The following CSMD2 variants were observed in gnomAD, a reference collection of about 807,000 sequenced individuals.
CSMD2 encodes CUB and sushi domain-containing protein 2.
In CSMD2, 130 loss-of-function variants were observed where a neutral mutation model predicts 398.5. The ratio of observed to expected loss-of-function variants is 0.33; its 90% CI spans 0.28 to 0.38. CSMD2 has a LOEUF of 0.38. Among genes scored for constraint, CSMD2 ranks in the 10% least tolerant of loss-of-function variants. The pLI, the probability that CSMD2 is intolerant of heterozygous loss-of-function variation, is 1.00. For synonymous variants in CSMD2, 1,828 were observed against 1,908.5 expected (o/e 0.96, Z 1.10); for missense variants, 3,829 against 4,764.9 (o/e 0.80, Z 5.78).
intron 13 of CSMD2, among the ~76,000 whole-genome samples, chr1:33,765,800 T>C (rs1392205006): frequency 6.6e-6 from 1 of 152,214 alleles, no homozygotes; most frequent in East Asian, 1.9e-4. Context: ...ATACACAATG[T>C]AGAAAGAATG....
At chr1:33,747,867 C>G (rs1470188376) in intron 13 of CSMD2, among the ~76,000 whole-genome samples, 1 of 152,298 alleles carries the variant, frequency 6.6e-6, no homozygotes, top group East Asian at 1.9e-4. Flanking sequence ...TTAAAAAGTT[C>G]CCCAGGTGAT....
Position 33,916,641 on chromosome 1 carries a change from G to A in CSMD2, c.920+1453C>T, listed in dbSNP as rs182081031. ...TGTGAGAAGCTCATGGTGACACCAGGGTCTTCTGACTCCCATGTCGGCTCA... is the reference window on the plus strand; with the variant it reads ...TGTGAGAAGCTCATGGTGACACCAGAGTCTTCTGACTCCCATGTCGGCTCA... On this transcript the variant is annotated intron_variant, in intron 5 of 70. Transcript: ENST00000373381. Among the ~76,000 whole-genome samples the A allele has an allele frequency of 4.5e-4, 68 of 152,136 alleles. 1 individual carries two copies. The East Asian group carries it at 6.2e-3, about 14-fold the overall frequency.
intron 2 of CSMD2, among the ~76,000 whole-genome samples, chr1:34,064,795 G>A (rs959592602): frequency 6.6e-6 from 1 of 152,150 alleles, no homozygotes; most frequent in African/African-American, 2.4e-5. Context: ...CCGAGACTGG[G>A]AAGAAAAAGA....
intron 22 of CSMD2, among the ~76,000 whole-genome samples, chr1:33,704,579 T>C (rs1378081754): frequency 6.6e-6 from 1 of 152,228 alleles, no homozygotes; most frequent in Admixed American, 6.5e-5. Context: ...CAGGATAATG[T>C]CTTTTTCTTT....
At chr1:33,993,486 C>A (rs548688165) in intron 3 of CSMD2, among the ~76,000 whole-genome samples, 1 of 152,104 alleles carries the variant, frequency 6.6e-6, no homozygotes, top group East Asian at 1.9e-4. Context: ...CCATCTCAGC[C>A]GCCTCTGCCC....
At chr1:33,656,259 G>T (rs1482319694) in intron 27 of CSMD2, among the ~76,000 whole-genome samples, 1 of 152,180 alleles carries the variant, frequency 6.6e-6, no homozygotes, top group African/African-American at 2.4e-5. Context: ...TACCCTCAGA[G>T]ATAAGGAAAC....
intron 1 of CSMD2, among the ~76,000 whole-genome samples, chr1:34,162,691 T>C (rs1026019423): frequency 1.3e-5 from 2 of 151,876 alleles, no homozygotes; most frequent in Non-Finnish European, 2.9e-5. Flanking sequence ...AAACCCCATC[T>C]CTCCTAAAAA....
At chr1:34,092,532 C>T (rs549626250) in intron 1 of CSMD2, among the ~76,000 whole-genome samples, 7 of 152,074 alleles carry the variant, frequency 4.6e-5, no homozygotes, top group South Asian at 2.1e-4. Context: ...AGACAGTGGG[C>T]GCAGGTCAGT....
chr1:33,574,796 T>C (rs1410581201), intron 49 of CSMD2, among the ~76,000 whole-genome samples: 1 of 152,222 alleles, frequency 6.6e-6, no homozygotes, highest in East Asian at 1.9e-4. Context: ...AGACTCTTAA[T>C]GACTAATCAG....
At position 34,164,998 on chromosome 1, in the gene CSMD2, T is replaced by G. The variant is rs1641746238; in HGVS notation, c.100A>C (p.Ser34Arg). The G allele has an allele frequency of 8.3e-7, 1 of 1,207,972 alleles. No homozygotes were observed. The highest frequency in any genetic ancestry group is 3.4e-5 in the East Asian group (1 of 29,254). The allele number at this position is 1,207,972 out of a possible 1,614,324, so 74.8% of individuals were successfully genotyped here. The change falls in exon 1 of 71, where the codon AGC becomes CGC. Residue 34 changes from serine (S) to arginine (R), a missense_variant. Ser to Arg is a moderately radical substitution (Grantham distance 110, BLOSUM62 -1). Around this residue, in one of 5 missense-constraint regions of CSMD2, gnomAD observed 184 missense variants for 217.7 expected, o/e 0.85. Coordinates refer to ENST00000373381, the MANE Select transcript of CSMD2 (RefSeq NM_001281956.2). This position sits in a 1 kb window ranked among gnomAD's most constrained non-coding sequence, Gnocchi z 6.2. ...GGCGGCGGCGGGCGGCCCCAGCGGC[T>G]CCCGGCGCCCGGCACAAGCGCCGAA... ...GISALVPGAG[S>R]RWGRPPPPTP...
rs577693078 is a variant in CSMD2, at chr1:33,517,498, C to A, written c.*54-928G>T. Among the ~76,000 whole-genome samples, 10 of 152,358 alleles carry A rather than the reference C, an allele frequency of 6.6e-5. No individual in the cohort carries two copies. In the South Asian group the frequency reaches 2.1e-3, roughly 32 times the overall value. Reference sequence around the variant, plus strand: ...AATAATTCATGCAGTGAATCAGATTCATCACTGATCATCTCCAAGCCCCGA... The same window carrying A: ...AATAATTCATGCAGTGAATCAGATTAATCACTGATCATCTCCAAGCCCCGA... On this transcript the variant is annotated intron_variant, in intron 70 of 70. Transcript: ENST00000373381.
chr1:33,702,729 C>T (rs1645651090), intron 22 of CSMD2, among the ~76,000 whole-genome samples: 1 of 151,932 alleles, frequency 6.6e-6, no homozygotes, highest in Non-Finnish European at 1.5e-5. Context: ...AAAAATTAAC[C>T]CAATCTGCAA....
At chr1:34,107,433 T>C (rs1281127008) in intron 1 of CSMD2, among the ~76,000 whole-genome samples, 4 of 152,178 alleles carry the variant, frequency 2.6e-5, no homozygotes, top group Non-Finnish European at 5.9e-5. Context: ...TAATAATTCA[T>C]TCCATCCTCA....
At chr1:33,599,891 A>G (rs1386517676) in intron 44 of CSMD2, 1 of 434,060 alleles carries the variant, frequency 2.3e-6, no homozygotes, top group Non-Finnish European at 4.1e-6. Flanking sequence ...AAGTGCACGC[A>G]TGATGTAATA....
At chr1:33,977,778 G>A (rs1052704951) in intron 3 of CSMD2, among the ~76,000 whole-genome samples, 8 of 152,148 alleles carry the variant, frequency 5.3e-5, no homozygotes, top group Non-Finnish European at 1.0e-4. Context: ...GGGACTGGAA[G>A]CCTCAACTCA....
Position 34,040,123 on chromosome 1 carries a change from C to T in CSMD2, c.405-7417G>A, listed in dbSNP as rs114005321. Among the ~76,000 whole-genome samples, 1,407 of 151,650 alleles carry T rather than the reference C, an allele frequency of 9.3e-3. 17 individuals are homozygous for T. The highest frequency in any genetic ancestry group is 0.03 in the African/African-American group (1,240 of 41,308). On this transcript the variant is annotated intron_variant, in intron 2 of 70. Transcript: ENST00000373381. ...GGAGGATCACTTGAGCCTAGGAGTT[C>T]GAAGCTGCAGTGACCCACGATCGTA... is the stretch of plus-strand genomic sequence containing the variant.
At position 34,089,103 on chromosome 1, in the gene CSMD2, G is replaced by T; in HGVS notation, c.278C>A (p.Thr93Lys). 1.2e-6 allele frequency: 2 copies of T among 1,614,164 alleles called. No homozygotes were observed. Among genetic ancestry groups the T allele is most frequent in the Non-Finnish European group, 1.7e-6 (2 of 1,180,026 alleles). ...PYGYPNYANC[T>K]WTITAEEQHR... ...CTGCTCTTCCGCGGTGATGGTCCAC[G>T]TGCAGTTGGCGTAATTGGGGTAGCC... The change falls in exon 2 of 71, where the codon ACG becomes AAG. Residue 93 changes from threonine (T) to lysine (K), a missense_variant. Thr to Lys is a moderately conservative substitution (Grantham distance 78). Around this residue, in one of 5 missense-constraint regions of CSMD2, gnomAD observed 184 missense variants for 217.7 expected, o/e 0.85. Coordinates refer to ENST00000373381, the MANE Select transcript of CSMD2 (RefSeq NM_001281956.2).
rs557422799 is a variant in CSMD2, at chr1:33,927,989, G to A, written c.712+7771C>T. Among the ~76,000 whole-genome samples the A allele has an allele frequency of 7.2e-5, 11 of 152,316 alleles. No homozygotes were observed. The South Asian group carries it at 1.2e-3, about 17-fold the overall frequency. On this transcript the variant is annotated intron_variant, in intron 4 of 70. Coordinates refer to ENST00000373381, the MANE Select transcript of CSMD2 (RefSeq NM_001281956.2). ...TCAGGAATGCATGGAAGGTCAAGGG[G>A]AAACCGCAAGAGACTGCCAGTCCCT... is the stretch of plus-strand genomic sequence containing the variant.
intron 3 of CSMD2, among the ~76,000 whole-genome samples, chr1:33,963,943 T>C (rs994254736): frequency 6.6e-6 from 1 of 152,264 alleles, no homozygotes; most frequent in Non-Finnish European, 1.5e-5. Context: ...AATGGCTGTG[T>C]CAGATGGCAG....
Sources: gnomAD v4.1 joint callset for allele counts (sites outside exome capture counted in the v4.1 genomes callset) on GRCh38, gnomAD v4.1.1 for gene constraint, gnomAD v4.1.1 regional missense constraint, Gnocchi (gnomAD v3.1) non-coding constraint, MANE v1.5 for transcripts, NCBI Gene and HGNC (gene_info 2026-07-23, HGNC 2026-07-21) for gene names.